Variants in RRAS2 observed in about 807,000 individuals in gnomAD.
RRAS2 encodes RAS related 2.
RRAS2 carries 7 observed loss-of-function variants against 27.6 expected under a neutral mutation model. That is an observed-to-expected ratio of 0.25 (90% CI 0.14 to 0.48). RRAS2 has a LOEUF of 0.48. Among genes scored for constraint, RRAS2 ranks in the 20% least tolerant of loss-of-function variants. The probability of loss-of-function intolerance (pLI) is 0.99; values close to 1 mark genes in which losing one functional copy is unlikely to be tolerated. For missense variants in RRAS2, 178 were observed against 256.2 expected, an observed-to-expected ratio of 0.69 and a Z score of 2.08; for synonymous variants, 86 against 90.9, an observed-to-expected ratio of 0.95 and a Z score of 0.31.
chr11:14,355,025 T>C (rs1849043082), intron 1 of RRAS2, among the ~76,000 whole-genome samples: 1 of 152,126 alleles, frequency 6.6e-6, no homozygotes, highest in African/African-American at 2.4e-5. Context: ...CTGGATGATT[T>C]ACCTGCATTA....
chr11:14,287,091 C>T (rs1849679581), intron 4 of RRAS2, among the ~76,000 whole-genome samples: 1 of 152,204 alleles, frequency 6.6e-6, no homozygotes, highest in Admixed American at 6.5e-5. Context: ...AAACTTCCCC[C>T]TAAGTGTTGG....
chr11:14,356,806 T>G (rs1554955492), intron 1 of RRAS2: 7 of 399,566 alleles, frequency 1.8e-5, no homozygotes, highest in Admixed American at 1.1e-4. Context: ...TAATGCTTTT[T>G]TTTTTTTTTT....
At chr11:14,312,764 G>A (rs1327334113) in intron 1 of RRAS2, among the ~76,000 whole-genome samples, 1 of 152,140 alleles carries the variant, frequency 6.6e-6, no homozygotes, top group Non-Finnish European at 1.5e-5. Flanking sequence ...AGACATATAG[G>A]TCTATGGCAC....
intron 1 of RRAS2, among the ~76,000 whole-genome samples, chr11:14,305,440 T>C (rs1216270426): frequency 6.6e-6 from 1 of 152,196 alleles, no homozygotes; most frequent in Non-Finnish European, 1.5e-5. Context: ...GAATTTCTTT[T>C]CCTTTTCCAG....
At chr11:14,361,717 C>T (rs1210630281), upstream of RRAS2, among the ~76,000 whole-genome samples, 2 of 152,096 alleles carry the variant, frequency 1.3e-5, no homozygotes, top group African/African-American at 4.8e-5. Flanking sequence ...GTAGAGTTAC[C>T]AACAACCTGA....
At chr11:14,304,712 A>G (rs1185164934) in intron 1 of RRAS2, among the ~76,000 whole-genome samples, 2 of 152,234 alleles carry the variant, frequency 1.3e-5, no homozygotes, top group Non-Finnish European at 2.9e-5. Flanking sequence ...CTAGTTAGCC[A>G]TTGGTAGCCT....
At chr11:14,350,454 C>T (rs1848925741) in intron 1 of RRAS2, among the ~76,000 whole-genome samples, 1 of 152,140 alleles carries the variant, frequency 6.6e-6, no homozygotes, top group Admixed American at 6.5e-5. Context: ...TGCCACTCCC[C>T]TTCATCTTCT....
intron 4 of RRAS2, among the ~76,000 whole-genome samples, chr11:14,286,748 T>G (rs1554945094): frequency 2.6e-5 from 4 of 152,266 alleles, no homozygotes; most frequent in Non-Finnish European, 4.4e-5. Flanking sequence ...AGCACTGGTA[T>G]ATCTAAGTTT....
intron 1 of RRAS2, among the ~76,000 whole-genome samples, chr11:14,311,889 G>T (rs1247004503): frequency 6.6e-6 from 1 of 151,092 alleles, no homozygotes; most frequent in East Asian, 1.9e-4. Context: ...TCTTGAGATA[G>T]AGTCTCACTC....
chr11:14,324,178 A>G (rs530204717), intron 1 of RRAS2, among the ~76,000 whole-genome samples: 21 of 152,154 alleles, frequency 1.4e-4, no homozygotes, highest in African/African-American at 5.1e-4. Flanking sequence ...AACAATATAC[A>G]TAATAATTAT....
chr11:14,348,706 T>C (rs1330900469), intron 1 of RRAS2, among the ~76,000 whole-genome samples: 1 of 152,202 alleles, frequency 6.6e-6, no homozygotes, highest in Non-Finnish European at 1.5e-5. Flanking sequence ...GAGCACTCCC[T>C]TATGAGACTA....
At chr11:14,327,418 G>A (rs1363190772) in intron 1 of RRAS2, among the ~76,000 whole-genome samples, 1 of 152,156 alleles carries the variant, frequency 6.6e-6, no homozygotes, top group African/African-American at 2.4e-5. Flanking sequence ...CTTACACATT[G>A]GGAGGAAGTG....
At chr11:14,333,165 A>G (rs1848515666) in intron 1 of RRAS2, among the ~76,000 whole-genome samples, 1 of 152,158 alleles carries the variant, frequency 6.6e-6, no homozygotes, top group African/African-American at 2.4e-5. Flanking sequence ...TTTATAAGCT[A>G]CACCGATCTG....
chr11:14,279,384 T>C lies in RRAS2; in HGVS notation c.568A>G (p.Thr190Ala). The change falls in exon 6 of 6, where the codon ACA becomes GCA. Residue 190 changes from threonine to alanine, a missense_variant. Physicochemically the swap from Thr to Ala is moderately conservative, Grantham distance 58. Transcript: ENST00000256196. Reference protein sequence around the residue: ...EQECPPSPEPTRKEKDKKGCH... With the variant: ...EQECPPSPEPARKEKDKKGCH... Reference sequence around the variant, plus strand: ...CCTTTCTTGTCTTTTTCTTTCCGTGTTGGTTCTGGTGAAGGAGGACATTCC... The same window carrying C: ...CCTTTCTTGTCTTTTTCTTTCCGTGCTGGTTCTGGTGAAGGAGGACATTCC... The C allele has an allele frequency of 6.2e-7, 1 of 1,613,258 alleles. No individual in the cohort carries two copies.
intron 1 of RRAS2, among the ~76,000 whole-genome samples, chr11:14,350,814 A>G (rs1398162320): frequency 6.6e-6 from 1 of 152,242 alleles, no homozygotes; most frequent in Non-Finnish European, 1.5e-5. Context: ...GTGTTGGACA[A>G]GCTTGTTTGA....
intron 1 of RRAS2, among the ~76,000 whole-genome samples, chr11:14,334,707 AAAAGT>A (rs1365078031): frequency 2.0e-5 from 3 of 152,184 alleles, no homozygotes; most frequent in African/African-American, 4.8e-5. Flanking sequence ...GTTAAAAAAA[AAAAGT>A]ATATTATTCT....
intron 1 of RRAS2, among the ~76,000 whole-genome samples, chr11:14,342,643 CATG>C (rs1427345234): frequency 6.6e-6 from 1 of 152,088 alleles, no homozygotes; most frequent in Non-Finnish European, 1.5e-5. Flanking sequence ...AGCTATAGAA[CATG>C]ATATTATACC....
At chr11:14,363,672 G>A (rs1554956396), upstream of RRAS2, among the ~76,000 whole-genome samples, 1 of 152,094 alleles carries the variant, frequency 6.6e-6, no homozygotes, top group Non-Finnish European at 1.5e-5. Flanking sequence ...CTGGGAGGCT[G>A]AGGCAGGAGA....
intron 1 of RRAS2, among the ~76,000 whole-genome samples, chr11:14,327,525 C>A (rs918878049): frequency 6.6e-6 from 1 of 152,190 alleles, no homozygotes; most frequent in Non-Finnish European, 1.5e-5. Flanking sequence ...TCAGTACCCA[C>A]AAAATTGCCT....
Sources: gnomAD v4.1 joint callset for allele counts (sites outside exome capture counted in the v4.1 genomes callset) on GRCh38, gnomAD v4.1.1 for gene constraint, MANE v1.5 for transcripts, NCBI Gene and HGNC (gene_info 2026-07-23, HGNC 2026-07-21) for gene names.